PCNT: variants seen among roughly 807,000 people sequenced by gnomAD.
PCNT encodes kendrin.
Under a neutral mutation model 380.4 loss-of-function variants are expected in PCNT, and 319 were observed. The ratio of observed to expected loss-of-function variants is 0.84; its 90% CI spans 0.77 to 0.92. PCNT has a LOEUF of 0.92. Ranked by LOEUF, PCNT falls within the 40% of genes least tolerant of loss-of-function variation. PCNT has a pLI of 0.00. For synonymous variants in PCNT, 1,845 were observed against 1,735.2 expected (o/e 1.06, Z -1.57); for missense variants, 4,400 against 4,255.3 (o/e 1.03, Z -0.95).
intron 21 of PCNT, chr21:46,394,649 T>C: frequency 7.6e-6 from 2 of 263,312 alleles, no homozygotes; most frequent in Non-Finnish European, 1.2e-5. Flanking sequence ...AAACAATAAA[T>C]ACAGCGATAC....
In PCNT at chr21:46,347,001, A is replaced by G; in HGVS notation, c.976+3A>G. On this transcript the variant is annotated splice_donor_region_variant and intron_variant, in intron 5 of 46. Coordinates refer to ENST00000359568, the MANE Select transcript of PCNT (RefSeq NM_006031.6). ...GCTCAGGTGTGGACAGGAAGCAGGTACTGCATGGCTAGGCGGGCACGGGCA... is the reference window on the plus strand; with the variant it reads ...GCTCAGGTGTGGACAGGAAGCAGGTGCTGCATGGCTAGGCGGGCACGGGCA... 1.9e-6 allele frequency: 3 copies of G among 1,593,858 alleles called. No individual in the cohort carries two copies. The highest frequency in any genetic ancestry group is 2.6e-6 in the Non-Finnish European group (3 of 1,172,786).
intron 14 of PCNT, 37 bp from the exon 15 acceptor site, chr21:46,366,547 C>T (rs749240342): frequency 2.6e-6 from 4 of 1,555,376 alleles, no homozygotes; most frequent in East Asian, 2.2e-5. Flanking sequence ...CTTCCTGATG[C>T]ATGTTTAACT....
At chr21:46,435,236 T>G (rs923530930) in intron 38 of PCNT, among the ~76,000 whole-genome samples, 1 of 152,116 alleles carries the variant, frequency 6.6e-6, no homozygotes, top group Admixed American at 6.6e-5. Context: ...TTGGTTTGGT[T>G]TTTTTTGGTA....
chr21:46,325,099 C>T lies in PCNT; in HGVS notation c.54+817C>T, dbSNP rs529477156. 1.0e-5 allele frequency: 10 copies of T among 985,504 alleles called. No homozygotes were observed. The African/African-American group carries it at 1.4e-4, about 14-fold the overall frequency. 61.0% of individuals were successfully genotyped at this position (985,504 alleles called of 1,614,324 possible). A position where few individuals can be genotyped will look rare whatever the true frequency, so the allele number is the denominator to read the frequency against. ...GAAAAAGCGCTCGGTTTGATGGCCACTGTCCTAGGTTTCGTGGGAATAAAG... is the reference window on the plus strand; with the variant it reads ...GAAAAAGCGCTCGGTTTGATGGCCATTGTCCTAGGTTTCGTGGGAATAAAG... On this transcript the variant is annotated intron_variant, in intron 1 of 46. Coordinates refer to ENST00000359568, the MANE Select transcript of PCNT (RefSeq NM_006031.6).
In PCNT at chr21:46,398,135, GTC is replaced by G; in HGVS notation, c.4563+6_4563+7del. 1 of 1,607,258 alleles carries G rather than the reference GTC, an allele frequency of 6.2e-7. No homozygotes were observed. The highest frequency in any genetic ancestry group is 8.5e-7 in the Non-Finnish European group (1 of 1,177,328). ...TGGGGCCCTCGCGACAGCCAGGTGAGTCAGTGCAGCGTGCAGTGCTGCTGGTT... is the reference window on the plus strand; with the variant it reads ...TGGGGCCCTCGCGACAGCCAGGTGAGAGTGCAGCGTGCAGTGCTGCTGGTT... On this transcript the variant is annotated splice_donor_region_variant and intron_variant, in intron 23 of 46. Coordinates refer to ENST00000359568, the MANE Select transcript of PCNT (RefSeq NM_006031.6).
chr21:46,415,804 A>G (rs992672532), intron 29 of PCNT, among the ~76,000 whole-genome samples: 2 of 152,234 alleles, frequency 1.3e-5, no homozygotes, highest in Non-Finnish European at 2.9e-5. Flanking sequence ...GCTCAGATAT[A>G]GAACCTTCCC....
At chr21:46,338,965 A>G (rs1237158419) in intron 3 of PCNT, among the ~76,000 whole-genome samples, 1 of 152,150 alleles carries the variant, frequency 6.6e-6, no homozygotes, top group African/African-American at 2.4e-5. Flanking sequence ...TATTTCTAGT[A>G]GAGACGGGGT....
At position 46,334,710 on chromosome 21, in the gene PCNT, A is replaced by C. The variant is rs763599513; in HGVS notation, c.581A>C (p.Gln194Pro). ...ACAGTCAGTGACCACACACCAGAAC[A>C]GCGTGGGATCTTCACAATCAGTGAC... Reference protein sequence around the residue: ...MFTVSDHTPEQRGIFTISDHP... With the variant: ...MFTVSDHTPEPRGIFTISDHP... The change falls in exon 3 of 47, where the codon CAG becomes CCG. Residue 194 changes from glutamine to proline, a missense_variant. By Grantham distance (76) the Gln-to-Pro change is moderately conservative. Coordinates refer to ENST00000359568, the MANE Select transcript of PCNT (RefSeq NM_006031.6). 4.0e-5 allele frequency: 65 copies of C among 1,613,872 alleles called. No individual in the cohort carries two copies. Among genetic ancestry groups the C allele is most frequent in the Non-Finnish European group, 4.8e-5 (57 of 1,179,866 alleles).
chr21:46,423,839 GAGAGGGGA>G (rs2087374790), intron 32 of PCNT, among the ~76,000 whole-genome samples: 1 of 130,214 alleles, frequency 7.7e-6, no homozygotes, highest in African/African-American at 2.9e-5. Context: ...AGGGGGAGGG[GAGAGGGGA>G]GGAGGAGGAA....
chr21:46,383,886 G>T (rs1177683312), intron 16 of PCNT, among the ~76,000 whole-genome samples: 1 of 145,528 alleles, frequency 6.9e-6, no homozygotes, highest in Non-Finnish European at 1.5e-5. Context: ...TCACGGTGTT[G>T]TGCATTCAGT....
At chr21:46,397,891 A>AT (rs2086260244) in intron 22 of PCNT, 123 bp from the exon 23 acceptor site, 1 of 719,898 alleles carries the variant, frequency 1.4e-6, no homozygotes, top group Admixed American at 2.1e-5. Flanking sequence ...TGAGGGGGGT[A>AT]TTTGGAGTCT....
intron 11 of PCNT, among the ~76,000 whole-genome samples, chr21:46,355,156 T>C (rs1251468273): frequency 3.3e-5 from 5 of 152,010 alleles, no homozygotes; most frequent in Admixed American, 6.5e-5. Context: ...GCTGAGAGAA[T>C]TGAGGAGAGG....
chr21:46,426,101 C>CAGAGTCTCGCTG, intron 33 of PCNT, 130 bp downstream of exon 33: 1 of 662,354 alleles, frequency 1.5e-6, no homozygotes, highest in South Asian at 2.1e-5. Flanking sequence ...TTTTTTGAGA[C>CAGAGTCTCGCTG]TCGGCTCACT....
intron 3 of PCNT, 128 bp downstream of exon 3, chr21:46,334,896 A>T: frequency 6.9e-7 from 1 of 1,455,634 alleles, no homozygotes; most frequent in East Asian, 2.4e-5. Flanking sequence ...AACTGGAAGC[A>T]TAGAGAGCTG....
In PCNT at chr21:46,411,403, G is replaced by C. The variant is rs770262136; in HGVS notation, c.5330G>C (p.Cys1777Ser). The part of the protein sequence containing the change: ...QAGSLQSELL[C>S]SQAGGPRGQA... ...GGCAGTCTGCAGAGCGAGCTGCTCTGCTCCCAGGCCGGGGGCCCTCGTGGG... is the reference window on the plus strand; with the variant it reads ...GGCAGTCTGCAGAGCGAGCTGCTCTCCTCCCAGGCCGGGGGCCCTCGTGGG... The change falls in exon 28 of 47, where the codon TGC (cysteine) becomes TCC (serine). Residue 1777 changes from cysteine to serine, a missense_variant. Cys to Ser is a moderately radical substitution (Grantham distance 112, BLOSUM62 -1). Transcript: ENST00000359568. 5.6e-6 allele frequency: 9 copies of C among 1,613,590 alleles called. No individual in the cohort carries two copies. Among genetic ancestry groups the C allele is most frequent in the Non-Finnish European group, 7.6e-6 (9 of 1,179,992 alleles).
chr21:46,385,110 T>C (rs944471695), intron 16 of PCNT, among the ~76,000 whole-genome samples: 2 of 152,132 alleles, frequency 1.3e-5, no homozygotes, highest in African/African-American at 4.8e-5. Flanking sequence ...ATCCCAGCAC[T>C]TCGGGAGGCT....
intron 13 of PCNT, among the ~76,000 whole-genome samples, chr21:46,358,874 C>T (rs1181736226): frequency 2.6e-5 from 4 of 152,076 alleles, no homozygotes; most frequent in Non-Finnish European, 5.9e-5. Context: ...AATCTCAGCT[C>T]ACTGCAAGCT....
At position 46,342,418 on chromosome 21, in the gene PCNT, T is replaced by G. The variant is rs142611318; in HGVS notation, c.640-3710T>G. 1.9e-3 allele frequency among the ~76,000 whole-genome samples: 287 copies of G among 152,318 alleles called. 1 individual carries two copies. Among genetic ancestry groups the G allele is most frequent in the Admixed American group, 4.4e-3 (68 of 15,294 alleles). On this transcript the variant is annotated intron_variant, in intron 3 of 46. Transcript: ENST00000359568. ...CACTGTGCCTGGTCTCCATACTGTA[T>G]TTTTATAGTGATTGTACTAGTTTAC...
At chr21:46,385,741 T>C in intron 16 of PCNT, 91 bp from the exon 17 acceptor site, 2 of 1,411,232 alleles carry the variant, frequency 1.4e-6, no homozygotes, top group Non-Finnish European at 2.0e-6. Flanking sequence ...TCAGAGACTC[T>C]CAAATACTGA....
Sources: allele counts gnomAD v4.1 joint callset (sites outside exome capture counted in the v4.1 genomes callset), GRCh38; gene constraint gnomAD v4.1.1; transcripts MANE v1.5; gene names NCBI Gene and HGNC (gene_info 2026-07-23, HGNC 2026-07-21).